THSD7B: variants seen among roughly 807,000 people sequenced by gnomAD.
The protein encoded by THSD7B is thrombospondin type-1 domain-containing protein 7B.
THSD7B carries 138 observed loss-of-function variants against 213.6 expected under a neutral mutation model. The ratio of observed to expected loss-of-function variants is 0.65; its 90% confidence interval spans 0.56 to 0.74. The LOEUF (loss-of-function observed/expected upper bound fraction) is 0.74. Among genes scored for constraint, THSD7B ranks in the 30% least tolerant of loss-of-function variants. THSD7B has a pLI of 0.00. For missense variants in THSD7B, 1,931 were observed against 1,991.5 expected (o/e 0.97, Z 0.58); for synonymous variants, 742 against 687.0 (o/e 1.08, Z -1.25).
chr2:137,361,113 C>A (rs1685246736), intron 12 of THSD7B, among the ~76,000 whole-genome samples: 1 of 152,198 alleles, frequency 6.6e-6, no homozygotes, highest in South Asian at 2.1e-4. Flanking sequence ...CTCCAGCAAA[C>A]TCCAACAGAC....
At chr2:137,179,940 T>C (rs1301881539) in intron 7 of THSD7B, among the ~76,000 whole-genome samples, 1 of 152,188 alleles carries the variant, frequency 6.6e-6, no homozygotes, top group East Asian at 1.9e-4. Context: ...AACTATTTTA[T>C]GCTGGTCTAG....
At chr2:137,405,447 A>C (rs1264763804) in intron 12 of THSD7B, among the ~76,000 whole-genome samples, 166 bp from the exon 13 acceptor site, 1 of 152,186 alleles carries the variant, frequency 6.6e-6, no homozygotes, top group African/African-American at 2.4e-5. Context: ...ACAACAATAA[A>C]AATTTAATTT....
At chr2:137,466,303 T>C (rs1244432928) in intron 15 of THSD7B, among the ~76,000 whole-genome samples, 1 of 152,168 alleles carries the variant, frequency 6.6e-6, no homozygotes, top group South Asian at 2.1e-4. Context: ...TTTACTCTAC[T>C]GCTCAATGAG....
intron 1 of THSD7B, among the ~76,000 whole-genome samples, chr2:136,867,047 A>G (rs138795482): frequency 3.1e-4 from 47 of 152,164 alleles, no homozygotes; most frequent in Middle Eastern, 3.4e-3. Context: ...TTCAACATCT[A>G]CTGTCACCCA....
chr2:137,289,908 C>T (rs905701504), intron 12 of THSD7B, among the ~76,000 whole-genome samples: 1 of 151,870 alleles, frequency 6.6e-6, no homozygotes, highest in Non-Finnish European at 1.5e-5. Context: ...TAAGTGAGTT[C>T]AGGATTTGGA....
intron 2 of THSD7B, among the ~76,000 whole-genome samples, chr2:136,928,312 T>C (rs1198163254): frequency 6.6e-6 from 1 of 152,212 alleles, no homozygotes; most frequent in Non-Finnish European, 1.5e-5. Context: ...GGTTGTATGG[T>C]TACTTGAAGT....
chr2:136,994,774 C>T (rs555999221), intron 2 of THSD7B, among the ~76,000 whole-genome samples: 1 of 152,152 alleles, frequency 6.6e-6, no homozygotes, highest in Non-Finnish European at 1.5e-5. Context: ...AGCATCAATA[C>T]TAACATTCAA....
At chr2:137,135,844 T>C (rs1405870936) in intron 5 of THSD7B, among the ~76,000 whole-genome samples, 1 of 142,586 alleles carries the variant, frequency 7.0e-6, no homozygotes, top group African/African-American at 2.6e-5. Context: ...AGTTATATGC[T>C]ACACTAAAAA....
At chr2:136,781,506 A>G (rs1367885473) in intron 1 of THSD7B, among the ~76,000 whole-genome samples, 1 of 151,684 alleles carries the variant, frequency 6.6e-6, no homozygotes, top group Non-Finnish European at 1.5e-5. Context: ...TCCTGACCTC[A>G]GATGATCTGC....
intron 14 of THSD7B, among the ~76,000 whole-genome samples, chr2:137,420,211 A>G (rs1320877557): frequency 6.6e-6 from 1 of 152,018 alleles, no homozygotes; most frequent in African/African-American, 2.4e-5. Flanking sequence ...CTCATATTTC[A>G]TCCACCCCAC....
chr2:137,604,122 TA>T (rs1404670650), intron 17 of THSD7B, among the ~76,000 whole-genome samples: 1 of 151,564 alleles, frequency 6.6e-6, no homozygotes, highest in African/African-American at 2.4e-5. Flanking sequence ...AATAATAAAA[TA>T]AAAAAACAAC....
At chr2:136,807,004 G>A (rs554585352) in intron 1 of THSD7B, among the ~76,000 whole-genome samples, 1 of 152,306 alleles carries the variant, frequency 6.6e-6, no homozygotes, top group East Asian at 1.9e-4. Context: ...CTGAGGTGAA[G>A]TGCTCTTCCC....
intron 15 of THSD7B, among the ~76,000 whole-genome samples, chr2:137,530,100 G>A (rs1196804705): frequency 2.0e-5 from 3 of 151,958 alleles, no homozygotes; most frequent in Admixed American, 2.0e-4. Flanking sequence ...AAAAAAATCA[G>A]CATTCTACTA....
At chr2:137,229,563 A>C (rs1681592097) in intron 7 of THSD7B, among the ~76,000 whole-genome samples, 1 of 152,180 alleles carries the variant, frequency 6.6e-6, no homozygotes, top group Non-Finnish European at 1.5e-5. Flanking sequence ...TTAGCTGTGC[A>C]CTATCTTCTC....
chr2:137,074,390 C>G (rs560558872), intron 3 of THSD7B, among the ~76,000 whole-genome samples: 1 of 151,804 alleles, frequency 6.6e-6, no homozygotes, highest in Non-Finnish European at 1.5e-5. Flanking sequence ...CTGTTTTATC[C>G]GAGACTAGGA....
At chr2:136,788,071 G>A (rs186161994) in intron 1 of THSD7B, among the ~76,000 whole-genome samples, 1 of 152,284 alleles carries the variant, frequency 6.6e-6, no homozygotes, top group East Asian at 1.9e-4. Context: ...GGATCGTGTT[G>A]AAGCCAACTG....
chr2:137,131,306 A>G (rs1382558071), intron 5 of THSD7B, among the ~76,000 whole-genome samples: 2 of 151,770 alleles, frequency 1.3e-5, no homozygotes, highest in Non-Finnish European at 2.9e-5. Flanking sequence ...TAGGTTGTGA[A>G]AATTTTCTCC....
intron 15 of THSD7B, among the ~76,000 whole-genome samples, chr2:137,480,395 A>G (rs1688280579): frequency 6.6e-6 from 1 of 152,224 alleles, no homozygotes. Flanking sequence ...TTTGTGGTCG[A>G]GTTATAAAGT....
rs1272512118 is a variant in THSD7B, at chr2:136,765,639, C to T, written c.-84C>T. The T allele has an allele frequency of 2.7e-5, 4 of 148,906 alleles. No homozygotes were observed. Among genetic ancestry groups the T allele is most frequent in the East Asian group, 2.2e-4 (1 of 4,618 alleles). The allele number at this position is 148,906 out of a possible 1,614,324, so 9.2% of individuals were successfully genotyped here. A position where few individuals can be genotyped will look rare whatever the true frequency, so the allele number is the denominator to read the frequency against. On this transcript the variant is annotated 5_prime_UTR_variant, in exon 1 of 28. Coordinates refer to ENST00000409968, the MANE Select transcript of THSD7B (RefSeq NM_001316349.2). Reference sequence around the variant, plus strand: ...CCATCTTTCTTGCGCTCGGGAAGCTCGGGGCTCAGCGGCTCCCAGAGGTTA... The same window carrying T: ...CCATCTTTCTTGCGCTCGGGAAGCTTGGGGCTCAGCGGCTCCCAGAGGTTA...
Sources: allele counts gnomAD v4.1 joint callset (sites outside exome capture counted in the v4.1 genomes callset), GRCh38; gene constraint gnomAD v4.1.1; transcripts MANE v1.5; gene names NCBI Gene and HGNC (gene_info 2026-07-23, HGNC 2026-07-21).